Variants in MRPS35 observed in about 807,000 individuals in gnomAD.
The protein encoded by MRPS35 is mitochondrial ribosomal protein S35, also known as small ribosomal subunit protein mS35.
MRPS35 carries 29 observed loss-of-function variants against 32.7 expected under a neutral mutation model. That is an observed-to-expected ratio of 0.89 (90% CI 0.66 to 1.21). The LOEUF is 1.21. Ranked by LOEUF, MRPS35 falls within the 50% of genes most tolerant of loss-of-function variation. The pLI is 0.00. For synonymous variants in MRPS35, 148 were observed against 139.3 expected, an observed-to-expected ratio of 1.06 and a Z score of -0.44; for missense variants, 373 against 383.8, an observed-to-expected ratio of 0.97 and a Z score of 0.23.
intron 7 of MRPS35, among the ~76,000 whole-genome samples, chr12:27,743,002 A>C (rs2061969738): frequency 6.6e-6 from 1 of 151,966 alleles, no homozygotes. Flanking sequence ...CTGGGACCAC[A>C]GGCAAGTGTC....
chr12:27,732,094 C>G (rs1413461983), intron 5 of MRPS35, among the ~76,000 whole-genome samples: 1 of 152,142 alleles, frequency 6.6e-6, no homozygotes, highest in African/African-American at 2.4e-5. Context: ...TTTTTAAGAA[C>G]ATATTAAATG....
chr12:27,734,174 C>T (rs1451464331), intron 5 of MRPS35, among the ~76,000 whole-genome samples: 3 of 151,574 alleles, frequency 2.0e-5, no homozygotes, highest in Admixed American at 2.0e-4. Flanking sequence ...TCTTAATGCT[C>T]TCCATAGAAG....
intron 5 of MRPS35, among the ~76,000 whole-genome samples, chr12:27,727,613 C>A (rs1328725138): frequency 6.6e-6 from 1 of 151,992 alleles, no homozygotes; most frequent in Non-Finnish European, 1.5e-5. Flanking sequence ...TGTTAAGTGG[C>A]GTATGACAGT....
rs184956929 is a variant in MRPS35 at position 27,735,578 on chromosome 12, C to T, written c.632+22C>T. On this transcript the variant is annotated intron_variant, in intron 6 of 7. Transcript: ENST00000081029. ...ATAGGTAATGGAAAAAATGTTCAGC[C>T]GACTGGTCACGTGTGTTTCCTCATT... 4.7e-4 allele frequency: 719 copies of T among 1,538,958 alleles called. 1 individual carries two copies. Among genetic ancestry groups the T allele is most frequent in the Middle Eastern group, 6.8e-4 (4 of 5,908 alleles).
At chr12:27,714,908 C>A in intron 2 of MRPS35, 88 bp downstream of exon 2, 2 of 1,160,288 alleles carry the variant, frequency 1.7e-6, no homozygotes, top group South Asian at 2.6e-5. Context: ...AGGGTGTTAC[C>A]AGAGAAGACT....
chr12:27,731,581 T>A (rs575448192), intron 5 of MRPS35, among the ~76,000 whole-genome samples: 1 of 152,298 alleles, frequency 6.6e-6, no homozygotes, highest in Non-Finnish European at 1.5e-5. Flanking sequence ...ATAACTTTAT[T>A]TTTTTGAGAC....
chr12:27,753,473 G>C (rs1399311137), intron 7 of MRPS35, among the ~76,000 whole-genome samples: 1 of 152,136 alleles, frequency 6.6e-6, no homozygotes, highest in African/African-American at 2.4e-5. Context: ...ATAGGGGTGG[G>C]AGGGTGGCAC....
rs11414370 is a variant in MRPS35 at position 27,720,394 on chromosome 12, CA to C, written c.382+541del. On this transcript the variant is annotated intron_variant, in intron 4 of 7. Transcript: ENST00000081029. ...GGGCAACAAGAGGGAAACGCCATCT[CA>C]AAAAAAAAAAAAAAGAAAACAAACA... Among the ~76,000 whole-genome samples, 162 of 101,632 alleles carry C rather than the reference CA, an allele frequency of 1.6e-3. 1 individual carries two copies. Among genetic ancestry groups the C allele is most frequent in the Middle Eastern group, 5.2e-3 (1 of 192 alleles). The allele number at this position is 101,632 out of a possible 152,430, so 66.7% of individuals were successfully genotyped here.
intron 1 of MRPS35, among the ~76,000 whole-genome samples, chr12:27,714,075 C>CAAA (rs34481044): frequency 1.3e-5 from 1 of 78,578 alleles, no homozygotes; most frequent in Non-Finnish European, 2.8e-5. Context: ...GACCTTGTCT[C>CAAA]AAAAAAAAAA....
At chr12:27,721,461 C>T (rs2061874773) in intron 4 of MRPS35, among the ~76,000 whole-genome samples, 1 of 152,076 alleles carries the variant, frequency 6.6e-6, no homozygotes, top group South Asian at 2.1e-4. Context: ...AGTTCAAGAC[C>T]AGCCTGAGCA....
intron 5 of MRPS35, among the ~76,000 whole-genome samples, chr12:27,732,256 A>G (rs2061924722): frequency 6.6e-6 from 1 of 152,242 alleles, no homozygotes; most frequent in Non-Finnish European, 1.5e-5. Flanking sequence ...CTTCAGTCCT[A>G]GAATTGACAT....
At chr12:27,729,368 C>A (rs796783550) in intron 5 of MRPS35, among the ~76,000 whole-genome samples, 1 of 152,126 alleles carries the variant, frequency 6.6e-6, no homozygotes, top group Non-Finnish European at 1.5e-5. Flanking sequence ...GGAAATTTCT[C>A]AAGACATAAT....
chr12:27,751,907 T>C (rs1003323174), intron 7 of MRPS35, among the ~76,000 whole-genome samples: 14 of 152,220 alleles, frequency 9.2e-5, no homozygotes, highest in African/African-American at 2.7e-4. Flanking sequence ...CACCTTGGCC[T>C]ACCTCCATGT....
At chr12:27,751,102 C>CAAAAAAAAAAAAAAAAAAAAAAAA (rs71438703) in intron 7 of MRPS35, among the ~76,000 whole-genome samples, 1 of 38,132 alleles carries the variant, frequency 2.6e-5, no homozygotes, top group African/African-American at 1.2e-4. Context: ...GACTCCATCT[C>CAAAAAAAAAAAAAAAAAAAAAAAA]AAAAAAAAAA....
intron 4 of MRPS35, among the ~76,000 whole-genome samples, chr12:27,721,491 C>A (rs1399152177): frequency 1.3e-5 from 2 of 152,020 alleles, no homozygotes; most frequent in African/African-American, 4.8e-5. Flanking sequence ...AACCCCATCT[C>A]TACAAAAAAC....
At chr12:27,731,394 C>T (rs2061921564) in intron 5 of MRPS35, among the ~76,000 whole-genome samples, 1 of 152,158 alleles carries the variant, frequency 6.6e-6, no homozygotes, top group South Asian at 2.1e-4. Context: ...TCAAAGTACA[C>T]TGAAGAAATG....
intron 1 of MRPS35, among the ~76,000 whole-genome samples, chr12:27,713,698 T>C (rs2140750767): frequency 6.6e-6 from 1 of 152,328 alleles, no homozygotes; most frequent in African/African-American, 2.4e-5. Flanking sequence ...CTGACTCAAA[T>C]GCCTGTCTCT....
intron 7 of MRPS35, among the ~76,000 whole-genome samples, chr12:27,747,044 A>G (rs1265896976): frequency 6.6e-6 from 1 of 152,200 alleles, no homozygotes; most frequent in Non-Finnish European, 1.5e-5. Context: ...CCCATTACTT[A>G]GGATAAAGTC....
intron 7 of MRPS35, among the ~76,000 whole-genome samples, chr12:27,751,762 G>A (rs766439445): frequency 9.9e-5 from 15 of 152,210 alleles, no homozygotes; most frequent in Non-Finnish European, 1.8e-4. Context: ...CCTGTACAAC[G>A]GTAGCAGGGC....
Sources: allele counts gnomAD v4.1 joint callset (sites outside exome capture counted in the v4.1 genomes callset), GRCh38; gene constraint gnomAD v4.1.1; transcripts MANE v1.5; gene names NCBI Gene and HGNC (gene_info 2026-07-23, HGNC 2026-07-21).